Variants in OXR1 observed in about 807,000 individuals in gnomAD.
OXR1 encodes the protein oxidation resistance 1.
In OXR1, 41 loss-of-function variants were observed where a neutral mutation model predicts 104.6. That is an observed-to-expected ratio of 0.39 (90% CI 0.31 to 0.51). The LOEUF is 0.51. Among genes scored for constraint, OXR1 ranks in the 20% least tolerant of loss-of-function variants. The pLI, the probability that OXR1 is intolerant of heterozygous loss-of-function variation, is 0.77. For synonymous variants in OXR1, 348 were observed against 348.4 expected, an observed-to-expected ratio of 1.00 and a Z score of 0.01; for missense variants, 955 against 1,031.9, an observed-to-expected ratio of 0.93 and a Z score of 1.02.
At chr8:106,674,260 A>C (rs185982311) in intron 3 of OXR1, among the ~76,000 whole-genome samples, 1 of 152,216 alleles carries the variant, frequency 6.6e-6, no homozygotes, top group Admixed American at 6.5e-5. Flanking sequence ...TGTGACCTGG[A>C]TGTGAGACAT....
rs143161567 is a variant in OXR1, at chr8:106,503,702, G to A, written c.24-15241G>A. 2.1e-3 allele frequency among the ~76,000 whole-genome samples: 315 copies of A among 152,316 alleles called. 1 individual carries two copies. The highest frequency in any genetic ancestry group is 7.4e-3 in the African/African-American group (306 of 41,580). ...GGGATGTAAAGAGCTGCCATCCGGT[G>A]AGTATGCTGAAACCTGCGGGGCAAA... On this transcript the variant is annotated intron_variant, in intron 2 of 16. Transcript: ENST00000517566.
At chr8:106,385,977 T>G (rs983610847) in intron 2 of OXR1, among the ~76,000 whole-genome samples, 5 of 152,110 alleles carry the variant, frequency 3.3e-5, no homozygotes, top group African/African-American at 1.2e-4. Context: ...CCTTGGAATG[T>G]GTGAAAATGA....
intron 3 of OXR1, among the ~76,000 whole-genome samples, chr8:106,550,598 G>A (rs1246024400): frequency 6.6e-6 from 1 of 152,130 alleles, no homozygotes; most frequent in African/African-American, 2.4e-5. Flanking sequence ...CTCCCATGCT[G>A]TTCTCATGAT....
chr8:106,367,350 A>T (rs1816516600), intron 2 of OXR1, among the ~76,000 whole-genome samples: 1 of 152,098 alleles, frequency 6.6e-6, no homozygotes, highest in African/African-American at 2.4e-5. Context: ...GACATGAGCC[A>T]CCACGCCCGA....
intron 1 of OXR1, among the ~76,000 whole-genome samples, chr8:106,281,556 A>C (rs553816232): frequency 6.6e-6 from 1 of 152,220 alleles, no homozygotes; most frequent in Non-Finnish European, 1.5e-5. Context: ...TAATCCCAGG[A>C]CTTTGGGAGG....
At chr8:106,641,582 G>A (rs940642419) in intron 3 of OXR1, among the ~76,000 whole-genome samples, 2 of 152,074 alleles carry the variant, frequency 1.3e-5, no homozygotes, top group Non-Finnish European at 2.9e-5. Flanking sequence ...AGTAGAATAG[G>A]GTTTCTTAAT....
At chr8:106,744,801 G>T (rs1316759928) in intron 15 of OXR1, among the ~76,000 whole-genome samples, 1 of 152,040 alleles carries the variant, frequency 6.6e-6, no homozygotes, top group African/African-American at 2.4e-5. Flanking sequence ...TTAATCTCAA[G>T]AAAAGGAATC....
chr8:106,482,918 T>A (rs1312296865), intron 2 of OXR1, among the ~76,000 whole-genome samples: 1 of 152,008 alleles, frequency 6.6e-6, no homozygotes, highest in Non-Finnish European at 1.5e-5. Context: ...AAACACTTAG[T>A]TGTATGAGCT....
intron 3 of OXR1, among the ~76,000 whole-genome samples, chr8:106,678,819 T>G (rs1827855433): frequency 6.6e-6 from 1 of 152,054 alleles, no homozygotes; most frequent in South Asian, 2.1e-4. Flanking sequence ...ATGTTACAAT[T>G]TCTTATTTGG....
intron 3 of OXR1, among the ~76,000 whole-genome samples, chr8:106,629,397 TG>T (rs1822476348): frequency 6.6e-6 from 1 of 152,148 alleles, no homozygotes. Flanking sequence ...GGTCACCAAG[TG>T]AGTCAGTGTA....
At chr8:106,712,291 A>G (rs1831777020) in intron 10 of OXR1, among the ~76,000 whole-genome samples, 1 of 152,100 alleles carries the variant, frequency 6.6e-6, no homozygotes, top group African/African-American at 2.4e-5. Context: ...TTAATGAGAA[A>G]CAACCTGACA....
intron 2 of OXR1, among the ~76,000 whole-genome samples, chr8:106,479,728 C>T (rs930266292): frequency 9.2e-5 from 14 of 152,010 alleles, no homozygotes; most frequent in African/African-American, 3.4e-4. Context: ...AATTTGATAA[C>T]ATGACTTAGT....
chr8:106,607,079 G>T (rs918137036), intron 3 of OXR1, among the ~76,000 whole-genome samples: 7 of 152,164 alleles, frequency 4.6e-5, no homozygotes, highest in Admixed American at 2.0e-4. Context: ...AAAGAGCAGG[G>T]TTGTTATGTC....
intron 1 of OXR1, among the ~76,000 whole-genome samples, chr8:106,284,510 A>G (rs1319923932): frequency 1.3e-5 from 2 of 152,114 alleles, no homozygotes; most frequent in Non-Finnish European, 2.9e-5. Flanking sequence ...AATGATATCT[A>G]TTTTCCAAGA....
chr8:106,362,048 G>C (rs1816269363), intron 2 of OXR1, among the ~76,000 whole-genome samples: 1 of 152,104 alleles, frequency 6.6e-6, no homozygotes. Context: ...TGTCAATAGA[G>C]GATCCACCTG....
chr8:106,298,923 A>ATGTGTG (rs36103627), intron 1 of OXR1, among the ~76,000 whole-genome samples: 8 of 150,046 alleles, frequency 5.3e-5, no homozygotes, highest in South Asian at 4.2e-4. Context: ...TTATATATAT[A>ATGTGTG]TGTGTGTGTG....
intron 2 of OXR1, among the ~76,000 whole-genome samples, chr8:106,422,269 C>T (rs1818935326): frequency 6.6e-6 from 1 of 152,046 alleles, no homozygotes; most frequent in Non-Finnish European, 1.5e-5. Context: ...TGATAAGCTC[C>T]ACTACAAAGA....
In OXR1 at chr8:106,302,282, T is replaced by TA. The variant is rs572922319; in HGVS notation, c.-139+31924dup. Among the ~76,000 whole-genome samples the TA allele has an allele frequency of 8.6e-3, 1,296 of 151,482 alleles. 5 individuals carry two copies. Among genetic ancestry groups the TA allele is most frequent in the African/African-American group, 0.02 (837 of 41,350 alleles). Reference sequence around the variant, plus strand: ...CATAGTCAATGGTGGATCTATGCCTTAAAAAAAAATCAATAATCAGCCGAG... The same window carrying TA: ...CATAGTCAATGGTGGATCTATGCCTTAAAAAAAAAATCAATAATCAGCCGAG... On this transcript the variant is annotated intron_variant, in intron 1 of 16. Transcript: ENST00000517566.
chr8:106,438,142 T>G (rs2022966), intron 2 of OXR1, among the ~76,000 whole-genome samples: 76,315 of 150,670 alleles, frequency 0.51, 21,771 homozygotes, highest in East Asian at 0.78. Context: ...TGTGGATCTC[T>G]TTGTGTCCAT....
Sources: allele counts gnomAD v4.1 joint callset (sites outside exome capture counted in the v4.1 genomes callset), GRCh38; gene constraint gnomAD v4.1.1; transcripts MANE v1.5; gene names NCBI Gene and HGNC (gene_info 2026-07-23, HGNC 2026-07-21).